The following FBXO6 variants were observed in gnomAD, a reference collection of about 807,000 sequenced individuals.
The protein encoded by FBXO6 is F-box protein 6, also known as F-box only protein 6.
FBXO6 carries 13 observed loss-of-function variants against 25.0 expected under a neutral mutation model. That is an observed-to-expected ratio of 0.52 (90% confidence interval 0.34 to 0.83). The LOEUF (loss-of-function observed/expected upper bound fraction) is 0.83. Ranked by LOEUF, FBXO6 falls within the 40% of genes least tolerant of loss-of-function variation. The pLI is 0.02. For synonymous variants in FBXO6, 138 were observed against 155.3 expected (o/e 0.89, Z 0.83); for missense variants, 370 against 380.2 (o/e 0.97, Z 0.22).
At position 11,674,229 on chromosome 1, in the gene FBXO6, G is replaced by A. The variant is rs545528275; in HGVS notation, c.*378G>A. On this transcript the variant is annotated 3_prime_UTR_variant, in exon 6 of 6. Transcript: ENST00000376753. The surrounding 1 kb of genome is among the most constrained non-coding windows in gnomAD (Gnocchi z 6.1). ...TGATGCAGAAGAATGGCGTGAACCC[G>A]GAAGGCAGAGCTTGCAGTGAGCCGA... 2.3e-3 allele frequency: 535 copies of A among 229,908 alleles called. 11 individuals are homozygous for A. The highest frequency in any genetic ancestry group is 3.5e-4 in the Non-Finnish European group (39 of 112,094). The allele number at this position is 229,908 out of a possible 1,614,324, so 14.2% of individuals were successfully genotyped here.
intron 4 of FBXO6, 28 bp downstream of exon 4, chr1:11,672,051 C>G: frequency 6.4e-7 from 1 of 1,572,476 alleles, no homozygotes; most frequent in African/African-American, 1.3e-5. Flanking sequence ...CCTGTGTCCC[C>G]ACACTCTACA....
rs777997978 is a variant in FBXO6 at position 11,673,814 on chromosome 1, C to T, written c.845C>T (p.Ala282Val). The T allele has an allele frequency of 2.5e-6, 4 of 1,614,106 alleles. No individual in the cohort carries two copies. Among genetic ancestry groups the T allele is most frequent in the Non-Finnish European group, 3.4e-6 (4 of 1,180,034 alleles). Reference protein sequence around the residue: ...PGQKHGQEEAAQSPYRAVVQI... With the variant: ...PGQKHGQEEAVQSPYRAVVQI... ...CAGAAGCATGGACAGGAGGAGGCTG[C>T]CCAATCGCCCTACCGAGCTGTTGTC... is the stretch of plus-strand genomic sequence containing the variant. Residue 282 changes from alanine (A) to valine (V), a missense_variant, in exon 6 of 6, where the codon GCC becomes GTC. Coordinates refer to ENST00000376753, the MANE Select transcript of FBXO6 (RefSeq NM_018438.6). This position sits in a 1 kb window ranked among gnomAD's most constrained non-coding sequence, Gnocchi z 4.3.
At chr1:11,669,045 C>A in intron 2 of FBXO6, 101 bp downstream of exon 2, 1 of 1,411,904 alleles carries the variant, frequency 7.1e-7, no homozygotes, top group Non-Finnish European at 9.6e-7. Flanking sequence ...ATTCTCTAAC[C>A]CTAAACACCC....
intron 3 of FBXO6, 113 bp downstream of exon 3, chr1:11,671,505 G>A: frequency 1.4e-6 from 2 of 1,480,478 alleles, no homozygotes; most frequent in South Asian, 1.3e-5. Flanking sequence ...GAAGCTCGAG[G>A]GAGGTGGCCC....
In FBXO6 at chr1:11,668,828, A is replaced by G. The variant is rs1640521319; in HGVS notation, c.170A>G (p.Lys57Arg). ...LIDLMTLWKR[K>R]CLREGFITKD... ...GACCTCATGACCCTCTGGAAACGCA[A>G]GTGCCTGCGAGAGGGCTTCATCACC... The change falls in exon 2 of 6, where the codon AAG (lysine) becomes AGG (arginine). Residue 57 changes from lysine (K) to arginine (R), a missense_variant. Physicochemically the swap from Lys to Arg is conservative, Grantham distance 26 (BLOSUM62 2). Transcript: ENST00000376753. 1 of 1,614,148 alleles carries G rather than the reference A, an allele frequency of 6.2e-7. No individual in the cohort carries two copies.
Position 11,673,594 on chromosome 1 carries a change from C to T in FBXO6, c.646-21C>T, listed in dbSNP as rs1474027902. The T allele has an allele frequency of 6.2e-7, 1 of 1,606,620 alleles. No homozygotes were observed. The highest frequency in any genetic ancestry group is 1.3e-5 in the African/African-American group (1 of 74,870). ...CCCTCCCCCGTCCCGGTGGTCACTT[C>T]CTCTCCCTTCCTCCCAACAGGTCTC... is the stretch of plus-strand genomic sequence containing the variant. On this transcript the variant is annotated intron_variant, in intron 5 of 5. Transcript: ENST00000376753. The surrounding 1 kb of genome is among the most constrained non-coding windows in gnomAD (Gnocchi z 4.3).
chr1:11,673,278 T>G lies in FBXO6; in HGVS notation c.511T>G (p.Phe171Val), dbSNP rs1640678489. Reference protein sequence around the residue: ...FRPDIVVKDWFAARADCGCTY... With the variant: ...FRPDIVVKDWVAARADCGCTY... ...CAGGGCTCTCAACCCCTCCACCAGG[T>G]TTGCTGCCAGAGCCGACTGTGGCTG... The change falls in exon 5 of 6, where the codon TTT (phenylalanine) becomes GTT (valine). Residue 171 changes from phenylalanine (F) to valine (V), a missense_variant and splice_region_variant. By Grantham distance (50) the Phe-to-Val change is conservative. Coordinates refer to ENST00000376753, the MANE Select transcript of FBXO6 (RefSeq NM_018438.6). The surrounding 1 kb of genome is among the most constrained non-coding windows in gnomAD (Gnocchi z 4.3). 2 of 1,611,860 alleles carry G rather than the reference T, an allele frequency of 1.2e-6. No individual in the cohort carries two copies. Among genetic ancestry groups the G allele is most frequent in the Non-Finnish European group, 1.7e-6 (2 of 1,178,996 alleles).
At chr1:11,671,508 G>C (rs1640615195) in intron 3 of FBXO6, 116 bp downstream of exon 3, 5 of 1,462,768 alleles carry the variant, frequency 3.4e-6, no homozygotes, top group Non-Finnish European at 4.6e-6. Flanking sequence ...GCTCGAGGGA[G>C]GTGGCCCCAA....
rs1432072997 is a variant in FBXO6, at chr1:11,666,426, G to T, written c.-4+2171G>T. On this transcript the variant is annotated intron_variant, in intron 1 of 5. Coordinates refer to ENST00000376753, the MANE Select transcript of FBXO6 (RefSeq NM_018438.6). ...AGACGGTGCCTTGTACTGTCACCCA[G>T]GCTGGAGTGCAGTGGTGCAATCTCG... is the stretch of plus-strand genomic sequence containing the variant. 3.5e-4 allele frequency among the ~76,000 whole-genome samples: 52 copies of T among 148,732 alleles called. 1 individual carries two copies. In the Middle Eastern group the frequency reaches 0.021, roughly 59 times the overall value.
At position 11,668,834 on chromosome 1, in the gene FBXO6, T is replaced by C. The variant is rs1557672143; in HGVS notation, c.176T>C (p.Leu59Pro). The change falls in exon 2 of 6, where the codon CTG becomes CCG. Residue 59 changes from leucine (L) to proline (P), a missense_variant. Leu to Pro is a moderately conservative substitution (Grantham distance 98). Coordinates refer to ENST00000376753, the MANE Select transcript of FBXO6 (RefSeq NM_018438.6). ...DLMTLWKRKC[L>P]REGFITKDWD... ...ATGACCCTCTGGAAACGCAAGTGCC[T>C]GCGAGAGGGCTTCATCACCAAGGAC... 4 of 1,614,152 alleles carry C rather than the reference T, an allele frequency of 2.5e-6. No homozygotes were observed. The highest frequency in any genetic ancestry group is 3.4e-6 in the Non-Finnish European group (4 of 1,180,028).
Position 11,673,762 on chromosome 1 carries a change from C to T in FBXO6, c.793C>T (p.Gln265Ter), listed in dbSNP as rs1400343500. Reference sequence around the variant, plus strand: ...CGTCAGCCCCAAGATGACCAGGAACCAGGCCTCCTCCGAGGCTCAGCCTGG... The same window carrying T: ...CGTCAGCCCCAAGATGACCAGGAACTAGGCCTCCTCCGAGGCTCAGCCTGG... The part of the protein sequence containing the change: ...IVVSPKMTRN[Q>*]ASSEAQPGQK... Residue 265 changes from glutamine (Q) to a stop codon, truncating the protein, a stop_gained, in exon 6 of 6, where the codon CAG becomes TAG. Transcript: ENST00000376753. LOFTEE classifies it low-confidence loss of function (END_TRUNC). This position sits in a 1 kb window ranked among gnomAD's most constrained non-coding sequence, Gnocchi z 4.3. 7.4e-6 allele frequency: 12 copies of T among 1,614,138 alleles called. No individual in the cohort carries two copies. Among genetic ancestry groups the T allele is most frequent in the Non-Finnish European group, 9.3e-6 (11 of 1,180,032 alleles).
chr1:11,673,902 C>T lies in FBXO6; in HGVS notation c.*51C>T. 1 of 1,562,186 alleles carries T rather than the reference C, an allele frequency of 6.4e-7. No homozygotes were observed. Among genetic ancestry groups the T allele is most frequent in the Non-Finnish European group, 8.8e-7 (1 of 1,134,328 alleles). On this transcript the variant is annotated 3_prime_UTR_variant, in exon 6 of 6. Coordinates refer to ENST00000376753, the MANE Select transcript of FBXO6 (RefSeq NM_018438.6). The surrounding 1 kb of genome is among the most constrained non-coding windows in gnomAD (Gnocchi z 4.3). ...AGCCAGAGGTTCCTCCAGGCAGGAG[C>T]TGAGCATGGGGTGGGCAGTGAGGTC...
chr1:11,671,575 G>C (rs879092499), intron 3 of FBXO6, among the ~76,000 whole-genome samples, 183 bp downstream of exon 3: 1 of 152,230 alleles, frequency 6.6e-6, no homozygotes, highest in South Asian at 2.1e-4. Context: ...AATGGACAGT[G>C]GGGGTGGGGA....
Sources: allele counts gnomAD v4.1 joint callset (sites outside exome capture counted in the v4.1 genomes callset), GRCh38; gene constraint gnomAD v4.1.1; non-coding constraint Gnocchi (gnomAD v3.1); transcripts MANE v1.5; gene names NCBI Gene and HGNC (gene_info 2026-07-23, HGNC 2026-07-21).